AGBL1: variants seen among roughly 807,000 people sequenced by gnomAD.
AGBL1 encodes the protein cytosolic carboxypeptidase 4.
AGBL1 carries 130 observed loss-of-function variants against 118.9 expected under a neutral mutation model. The ratio of observed to expected loss-of-function variants is 1.09; its 90% CI spans 0.95 to 1.26. The LOEUF is 1.26. Ranked by LOEUF, AGBL1 falls within the 50% of genes most tolerant of loss-of-function variation. AGBL1 has a pLI of 0.00. For missense variants in AGBL1, 1,584 were observed against 1,298.1 expected (o/e 1.22, Z -3.38); for synonymous variants, 555 against 478.9 (o/e 1.16, Z -2.08).
At chr15:86,332,437 G>A (rs1382419461) in intron 17 of AGBL1, among the ~76,000 whole-genome samples, 2 of 152,014 alleles carry the variant, frequency 1.3e-5, no homozygotes, top group African/African-American at 4.8e-5. Context: ...ACGAGGTCAG[G>A]AGATCGAGAC....
chr15:86,741,359 T>G lies in AGBL1; in HGVS notation c.3158+66923T>G, dbSNP rs188711618. On this transcript the variant is annotated intron_variant, in intron 22 of 22. Transcript: ENST00000614907. The stretch of plus-strand genomic sequence containing the variant: ...TGTAAAGAGAATTTCCTAGCCCAAG[T>G]GAACAGTGGTCTAAGGCAAAGCAAA... 7.7e-5 allele frequency among the ~76,000 whole-genome samples: 7 copies of G among 91,316 alleles called. No individual in the cohort carries two copies. In the Admixed American group the frequency reaches 1.1e-3, roughly 14 times the overall value. 59.9% of individuals were successfully genotyped at this position (91,316 alleles called of 152,430 possible).
intron 19 of AGBL1, among the ~76,000 whole-genome samples, chr15:86,529,753 G>A (rs139580860): frequency 0.12 from 17,762 of 151,138 alleles, 3,462 homozygotes; most frequent in African/African-American, 0.41. Context: ...GACTAACAGC[G>A]GATCTCTCGG....
At chr15:86,923,042 G>A (rs1025521716) in intron 23 of AGBL1, among the ~76,000 whole-genome samples, 1 of 152,206 alleles carries the variant, frequency 6.6e-6, no homozygotes, top group African/African-American at 2.4e-5. Context: ...GCAGCAAGAA[G>A]GAGTCCAGGT....
At chr15:86,483,817 T>C (rs1358827221) in intron 18 of AGBL1, among the ~76,000 whole-genome samples, 2 of 152,142 alleles carry the variant, frequency 1.3e-5, no homozygotes, top group African/African-American at 4.8e-5. Flanking sequence ...TCTGCATCCC[T>C]ACAATTATTG....
At chr15:86,794,763 G>C (rs551974820) in intron 22 of AGBL1, among the ~76,000 whole-genome samples, 1 of 152,200 alleles carries the variant, frequency 6.6e-6, no homozygotes, top group South Asian at 2.1e-4. Context: ...CTATCCATAT[G>C]GCAAAAGTAA....
rs139423675 is a variant in AGBL1 at position 86,659,511 on chromosome 15, C to T, written c.2995-14762C>T. Among the ~76,000 whole-genome samples the T allele has an allele frequency of 7.0e-3, 1,065 of 152,226 alleles. 7 individuals are homozygous for T. The highest frequency in any genetic ancestry group is 0.014 in the Middle Eastern group (4 of 294). On this transcript the variant is annotated intron_variant, in intron 21 of 22. Coordinates refer to ENST00000614907, the MANE Select transcript of AGBL1 (RefSeq NM_001386094.1). ...TCTCTTCTGTCTATAGCAACTGTTG[C>T]CCCTTTGCAGAATTTCAGCAGTATG...
At chr15:86,377,909 T>C (rs758892081) in intron 17 of AGBL1, among the ~76,000 whole-genome samples, 1 of 152,170 alleles carries the variant, frequency 6.6e-6, no homozygotes, top group Non-Finnish European at 1.5e-5. Flanking sequence ...AAGATACATA[T>C]CCTGCTGTGG....
chr15:86,179,605 T>C (rs1052453079), intron 5 of AGBL1, among the ~76,000 whole-genome samples: 1 of 152,140 alleles, frequency 6.6e-6, no homozygotes, highest in Non-Finnish European at 1.5e-5. Context: ...TCATACTTCA[T>C]GGTTAAAAGA....
chr15:86,781,727 G>C (rs769270281), intron 22 of AGBL1, among the ~76,000 whole-genome samples: 4 of 152,106 alleles, frequency 2.6e-5, no homozygotes, highest in Admixed American at 1.3e-4. Context: ...GGCTACCAAA[G>C]ACAATATAGT....
intron 22 of AGBL1, among the ~76,000 whole-genome samples, chr15:86,824,042 AT>A (rs1413747564): frequency 2.0e-5 from 3 of 152,100 alleles, no homozygotes; most frequent in African/African-American, 4.8e-5. Context: ...CACTCTCACC[AT>A]TACTATTCAA....
At chr15:86,801,870 A>G (rs2078654722) in intron 22 of AGBL1, among the ~76,000 whole-genome samples, 1 of 152,080 alleles carries the variant, frequency 6.6e-6, no homozygotes, top group African/African-American at 2.4e-5. Context: ...GCTGCAGAGG[A>G]ACCTGGAGCT....
chr15:86,973,032 T>C (rs2081127206), intron 23 of AGBL1, among the ~76,000 whole-genome samples: 2 of 152,022 alleles, frequency 1.3e-5, no homozygotes, highest in South Asian at 4.1e-4. Context: ...TTTCTGGTTG[T>C]GTGACCTTTG....
At chr15:86,901,259 C>T (rs2080208530) in intron 22 of AGBL1, among the ~76,000 whole-genome samples, 1 of 151,930 alleles carries the variant, frequency 6.6e-6, no homozygotes, top group African/African-American at 2.4e-5. Context: ...CCTTTGGTGT[C>T]AAATTTAGAA....
intron 22 of AGBL1, among the ~76,000 whole-genome samples, chr15:86,757,826 G>C (rs1335510800): frequency 6.6e-6 from 1 of 152,026 alleles, no homozygotes; most frequent in African/African-American, 2.4e-5. Flanking sequence ...TGCCGTGGCT[G>C]GCTCTTTATT....
In AGBL1 at chr15:86,641,056, G is replaced by A. The variant is rs192695050; in HGVS notation, c.2995-33217G>A. 2.1e-3 allele frequency among the ~76,000 whole-genome samples: 315 copies of A among 151,794 alleles called. 1 individual carries two copies. Among genetic ancestry groups the A allele is most frequent in the Admixed American group, 3.5e-3 (53 of 15,210 alleles). ...CTCTTTTGAACTCTTGACTTTGAAT[G>A]AGTCCTAATGTTTTCCTTCTTAATT... On this transcript the variant is annotated intron_variant, in intron 21 of 22. Coordinates refer to ENST00000614907, the MANE Select transcript of AGBL1 (RefSeq NM_001386094.1).
At chr15:86,616,149 C>A (rs1358720293) in intron 21 of AGBL1, among the ~76,000 whole-genome samples, 2 of 151,760 alleles carry the variant, frequency 1.3e-5, no homozygotes, top group Non-Finnish European at 1.5e-5. Flanking sequence ...CCAGCCTGGC[C>A]AACATGGTGA....
chr15:86,095,646 CCTTTTTTTTTTTTTTTT>C (rs1433231883), intron 1 of AGBL1, among the ~76,000 whole-genome samples: 1 of 116,684 alleles, frequency 8.6e-6, no homozygotes, highest in Non-Finnish European at 1.7e-5. Context: ...ACCTTGGATA[CCTTTTTTTTTTTTTTTT>C]TTTTTTTTTT....
intron 17 of AGBL1, among the ~76,000 whole-genome samples, chr15:86,297,584 C>T (rs1013000239): frequency 1.3e-5 from 2 of 152,190 alleles, no homozygotes; most frequent in Admixed American, 1.3e-4. Context: ...AAGGCCAGTG[C>T]CTTTCTGATA....
chr15:86,605,024 A>T (rs2084554355), intron 21 of AGBL1, among the ~76,000 whole-genome samples: 1 of 151,882 alleles, frequency 6.6e-6, no homozygotes, highest in Admixed American at 6.6e-5. Context: ...CGAACTCCCA[A>T]CCTCAGGTGA....
Sources: allele counts gnomAD v4.1 joint callset (sites outside exome capture counted in the v4.1 genomes callset), GRCh38; gene constraint gnomAD v4.1.1; transcripts MANE v1.5; gene names NCBI Gene and HGNC (gene_info 2026-07-23, HGNC 2026-07-21).